Variants in ANXA2 observed in about 807,000 individuals in gnomAD.
The protein encoded by ANXA2 is annexin A2, also known as annexin II.
ANXA2 carries 28 observed loss-of-function variants against 47.3 expected under a neutral mutation model. The ratio of observed to expected loss-of-function variants is 0.59; its 90% CI spans 0.44 to 0.81. ANXA2 has a LOEUF of 0.81. ANXA2 is among the 40% of genes least tolerant of loss of function. ANXA2 has a pLI of 0.00. For missense variants in ANXA2, 384 were observed against 414.3 expected (o/e 0.93, Z 0.64); for synonymous variants, 172 against 155.5 (o/e 1.11, Z -0.79).
At chr15:60,348,601 C>T (rs994513695) in intron 12 of ANXA2, among the ~76,000 whole-genome samples, 44 of 151,844 alleles carry the variant, frequency 2.9e-4, no homozygotes, top group Non-Finnish European at 5.9e-5. Flanking sequence ...AAAAATTAGC[C>T]GGGTGTGGTG....
At chr15:60,386,316 T>C in intron 1 of ANXA2, 1 of 499,482 alleles carries the variant, frequency 2.0e-6, no homozygotes, top group Non-Finnish European at 3.6e-6. Context: ...TCTCTTCCTC[T>C]GTGTAAACAG....
In ANXA2 at chr15:60,382,289, C is replaced by T. The variant is rs552262897; in HGVS notation, c.148+53G>A. 9.3e-5 allele frequency: 132 copies of T among 1,421,918 alleles called. No individual in the cohort carries two copies. The African/African-American group carries it at 1.3e-3, about 14-fold the overall frequency. The allele number at this position is 1,421,918 out of a possible 1,614,324, so 88.1% of individuals were successfully genotyped here. A position where few individuals can be genotyped will look rare whatever the true frequency, so the allele number is the denominator to read the frequency against. ...GATTTGAGGGAGAATAAAGAGACAACCAAAAATGTCTCAGTAAGACCCTGA... is the reference window on the plus strand; with the variant it reads ...GATTTGAGGGAGAATAAAGAGACAATCAAAAATGTCTCAGTAAGACCCTGA... On this transcript the variant is annotated intron_variant, in intron 3 of 12. Transcript: ENST00000451270.
At chr15:60,365,835 TCCCTCTCCCTCTCC>T (rs2062587261) in intron 3 of ANXA2, among the ~76,000 whole-genome samples, 4 of 78,266 alleles carry the variant, frequency 5.1e-5, no homozygotes, top group African/African-American at 2.4e-4. Context: ...AGTCTCCCTC[TCCCTCTCCCTCTCC>T]CCCTCCCCCT....
In ANXA2 at chr15:60,364,462, A is replaced by G. The variant is rs767704739; in HGVS notation, c.210T>C (p.Asp70=). ...TCCTTCTCTGGTAGGCGAAGGCAAT[A>G]TCCTGTCTCTGTGCATTGCTGCGGT... ...LTNRSNAQRQ[D]IAFAYQRRTK... Residue 70 remains aspartate (D), a synonymous_variant, in exon 4 of 13, where the codon GAT becomes GAC. Transcript: ENST00000451270. 6.2e-7 allele frequency: 1 copy of G among 1,613,534 alleles called. No individual in the cohort carries two copies.
At chr15:60,371,664 T>C (rs1379337313) in intron 3 of ANXA2, among the ~76,000 whole-genome samples, 1 of 152,178 alleles carries the variant, frequency 6.6e-6, no homozygotes, top group Non-Finnish European at 1.5e-5. Flanking sequence ...AAAGGAAAAC[T>C]GTCCAGATCC....
At chr15:60,361,195 CTGCA>C in intron 4 of ANXA2, 141 bp from the exon 5 acceptor site, 1 of 656,000 alleles carries the variant, frequency 1.5e-6, no homozygotes, top group South Asian at 1.8e-5. Flanking sequence ...ACGCCCTCAA[CTGCA>C]TTCCCTTCAA....
Position 60,382,356 on chromosome 15 carries a change from G to A in ANXA2, c.134C>T (p.Ala45Val). The A allele has an allele frequency of 1.9e-6, 3 of 1,613,396 alleles. No individual in the cohort carries two copies. The highest frequency in any genetic ancestry group is 2.5e-6 in the Non-Finnish European group (3 of 1,179,398). Reference protein sequence around the residue: ...AERDALNIETAIKTKGVDEVT... With the variant: ...AERDALNIETVIKTKGVDEVT... Reference sequence around the variant, plus strand: ...GTATCACCTACCTTTGGTCTTGATGGCTGTTTCAATGTTCAAAGCATCCCG... The same window carrying A: ...GTATCACCTACCTTTGGTCTTGATGACTGTTTCAATGTTCAAAGCATCCCG... The change falls in exon 3 of 13, where the codon GCC becomes GTC. Residue 45 changes from alanine to valine, a missense_variant. By Grantham distance (64) the Ala-to-Val change is moderately conservative. Coordinates refer to ENST00000451270, the MANE Select transcript of ANXA2 (RefSeq NM_004039.3).
chr15:60,375,269 C>T (rs914633396), intron 3 of ANXA2, among the ~76,000 whole-genome samples: 2 of 152,078 alleles, frequency 1.3e-5, no homozygotes, highest in Admixed American at 6.5e-5. Flanking sequence ...GCATCCCTTC[C>T]GGAGAACACA....
intron 6 of ANXA2, 70 bp downstream of exon 6, chr15:60,357,076 A>AC (rs1371759250): frequency 7.0e-7 from 1 of 1,427,144 alleles, no homozygotes; most frequent in Admixed American, 1.7e-5. Flanking sequence ...CCGAACCCTA[A>AC]CCCCAGTGGC....
chr15:60,369,569 GGGTCAGAATGT>G (rs1378711018), intron 3 of ANXA2, among the ~76,000 whole-genome samples: 1 of 152,218 alleles, frequency 6.6e-6, no homozygotes, highest in East Asian at 1.9e-4. Context: ...GTCTGTGTTT[GGGTCAGAATGT>G]GGTTCTTGGC....
At chr15:60,397,220 CA>C in intron 1 of ANXA2, 1 of 955,130 alleles carries the variant, frequency 1.0e-6, no homozygotes, top group Non-Finnish European at 1.2e-6. Flanking sequence ...TGGCGAGTAA[CA>C]GGACAACCCT....
chr15:60,391,907 A>G (rs2063016670), intron 1 of ANXA2, among the ~76,000 whole-genome samples: 1 of 152,200 alleles, frequency 6.6e-6, no homozygotes, highest in South Asian at 2.1e-4. Context: ...GAAAAAAAAA[A>G]AAAAATCAGC....
chr15:60,361,176 T>C (rs1405445528), intron 4 of ANXA2, 122 bp from the exon 5 acceptor site: 2 of 706,558 alleles, frequency 2.8e-6, no homozygotes, highest in Non-Finnish European at 5.2e-6. Flanking sequence ...CTCCGGAGTC[T>C]TGGGTCAAAC....
chr15:60,353,491 T>C (rs1323922716), intron 8 of ANXA2, among the ~76,000 whole-genome samples: 1 of 152,124 alleles, frequency 6.6e-6, no homozygotes, highest in Non-Finnish European at 1.5e-5. Flanking sequence ...AAAGCCTGAG[T>C]GAGCATATGT....
intron 3 of ANXA2, among the ~76,000 whole-genome samples, chr15:60,377,444 T>C (rs2062796076): frequency 6.6e-6 from 1 of 152,132 alleles, no homozygotes; most frequent in African/African-American, 2.4e-5. Flanking sequence ...TTGCCCACAA[T>C]TCCATATACA....
chr15:60,386,369 C>T, intron 1 of ANXA2: 1 of 337,978 alleles, frequency 3.0e-6, no homozygotes, highest in Non-Finnish European at 5.4e-6. Flanking sequence ...CAAAATGTTC[C>T]CCATGGCTAA....
rs540481659 is a variant in ANXA2 at position 60,393,537 on chromosome 15, C to T, written c.-12+4406G>A. 15 of 986,708 alleles carry T rather than the reference C, an allele frequency of 1.5e-5. No homozygotes were observed. In the South Asian group the frequency reaches 6.1e-4, roughly 40 times the overall value. 61.1% of individuals were successfully genotyped at this position (986,708 alleles called of 1,614,324 possible). ...TCTTCTATACACACACACATGCATA[C>T]ACGCATCCTGCACAGAAGAGTTAAC... On this transcript the variant is annotated intron_variant, in intron 1 of 12. Transcript: ENST00000451270.
chr15:60,364,672 T>G, intron 3 of ANXA2, 149 bp from the exon 4 acceptor site: 3 of 589,396 alleles, frequency 5.1e-6, no homozygotes, highest in Non-Finnish European at 8.8e-6. Flanking sequence ...TTCTATCTCT[T>G]TCGTCAGCAT....
intron 1 of ANXA2, chr15:60,392,985 T>C: frequency 1.6e-6 from 2 of 1,214,294 alleles, no homozygotes; most frequent in Non-Finnish European, 2.1e-6. Context: ...AGGAGAGGGG[T>C]TCCCACTGTA....
Sources: gnomAD v4.1 joint callset for allele counts (sites outside exome capture counted in the v4.1 genomes callset) on GRCh38, gnomAD v4.1.1 for gene constraint, MANE v1.5 for transcripts, NCBI Gene and HGNC (gene_info 2026-07-23, HGNC 2026-07-21) for gene names.